CDH4: variants seen among roughly 807,000 people sequenced by gnomAD.
The protein encoded by CDH4 is cadherin-4.
A neutral mutation model predicts 86.0 loss-of-function variants in CDH4; 33 were observed. The observed-to-expected ratio is 0.38, with a 90% CI of 0.29 to 0.51. CDH4 has a LOEUF of 0.51. Among genes scored for constraint, CDH4 ranks in the 20% least tolerant of loss-of-function variants. The pLI is 0.86. For missense variants in CDH4, 1,114 were observed against 1,307.4 expected (o/e 0.85, Z 2.28); for synonymous variants, 555 against 549.4 (o/e 1.01, Z -0.14).
intron 2 of CDH4, among the ~76,000 whole-genome samples, chr20:61,666,804 C>G (rs560804715): frequency 6.6e-6 from 1 of 152,362 alleles, no homozygotes; most frequent in South Asian, 2.1e-4. Context: ...AAGCTGCTCA[C>G]AGCTCACTGT....
At chr20:61,723,572 C>T (rs111645862) in intron 2 of CDH4, among the ~76,000 whole-genome samples, 2,160 of 152,184 alleles carry the variant, frequency 0.014, 42 homozygotes, top group African/African-American at 0.049. Context: ...ACCCCAAGCA[C>T]CTGCTCTTCT....
intron 2 of CDH4, among the ~76,000 whole-genome samples, chr20:61,310,673 A>G (rs958223480): frequency 6.6e-6 from 1 of 151,300 alleles, no homozygotes; most frequent in African/African-American, 2.4e-5. Flanking sequence ...CGCAGCTTAA[A>G]CAACAGGAGG....
chr20:61,406,629 A>G (rs1396581877), intron 2 of CDH4, among the ~76,000 whole-genome samples: 2 of 123,978 alleles, frequency 1.6e-5, no homozygotes, highest in Non-Finnish European at 1.6e-5. Flanking sequence ...ACCATCTGCC[A>G]TCTGTTCTGC....
rs959353566 is a variant in CDH4, at chr20:61,829,671, G to A, written c.577-14997G>A. Among the ~76,000 whole-genome samples the A allele has an allele frequency of 2.0e-5, 3 of 152,238 alleles. No homozygotes were observed. Among genetic ancestry groups the A allele is most frequent in the Admixed American group, 6.5e-5 (1 of 15,294 alleles). On this transcript the variant is annotated intron_variant, in intron 4 of 15. Transcript: ENST00000614565. The surrounding 1 kb of genome is among the most constrained non-coding windows in gnomAD (Gnocchi z 4.2). The stretch of plus-strand genomic sequence containing the variant: ...TAAATACGGACTCACCACTGGGGAC[G>A]GACTTGGACTCCAGGAGCCCCCAGG...
At chr20:61,482,845 T>A (rs976468224) in intron 2 of CDH4, among the ~76,000 whole-genome samples, 4 of 152,236 alleles carry the variant, frequency 2.6e-5, no homozygotes, top group Non-Finnish European at 4.4e-5. Context: ...CTCCACTGTA[T>A]TCAGGTTAAC....
intron 3 of CDH4, among the ~76,000 whole-genome samples, chr20:61,749,749 T>C (rs184611201): frequency 7.2e-5 from 11 of 152,214 alleles, no homozygotes; most frequent in African/African-American, 2.7e-4. Context: ...CTTAAATGCA[T>C]ATATTACAAG....
intron 2 of CDH4, among the ~76,000 whole-genome samples, chr20:61,343,587 C>T (rs2084660640): frequency 6.6e-6 from 1 of 152,116 alleles, no homozygotes; most frequent in South Asian, 2.1e-4. Context: ...GTGGTTCCAG[C>T]GGCAGTCAGC....
intron 2 of CDH4, among the ~76,000 whole-genome samples, chr20:61,506,950 G>C (rs2145607837): frequency 6.6e-6 from 1 of 152,384 alleles, no homozygotes; most frequent in African/African-American, 2.4e-5. Flanking sequence ...ACATGAGGCT[G>C]TGGATGCCCC....
chr20:61,923,733 G>A, intron 10 of CDH4, 29 bp downstream of exon 10: 1 of 1,606,100 alleles, frequency 6.2e-7, no homozygotes, highest in Non-Finnish European at 8.5e-7. Context: ...CCTCGTCCCT[G>A]CCTGCAGCTT....
intron 2 of CDH4, among the ~76,000 whole-genome samples, chr20:61,459,053 C>T (rs1393708860): frequency 6.6e-6 from 1 of 151,974 alleles, no homozygotes; most frequent in East Asian, 1.9e-4. Context: ...TCCACACCTC[C>T]CCCTGGCTGT....
At position 61,262,964 on chromosome 20, in the gene CDH4, T is replaced by TGAGA. The variant is rs11472416; in HGVS notation, c.169+8045_169+8048dup. Among the ~76,000 whole-genome samples, 82 of 148,166 alleles carry TGAGA rather than the reference T, an allele frequency of 5.5e-4. 1 individual carries two copies. The highest frequency in any genetic ancestry group is 1.1e-3 in the African/African-American group (43 of 40,212). ...GTAGATGCCAGGACTAATCATGAAC[T>TGAGA]GAGAGAGAGAGAGAGAGAGAGCAAG... On this transcript the variant is annotated intron_variant, in intron 2 of 15. Coordinates refer to ENST00000614565, the MANE Select transcript of CDH4 (RefSeq NM_001794.5).
intron 4 of CDH4, among the ~76,000 whole-genome samples, chr20:61,838,703 A>T (rs1424806550): frequency 1.3e-5 from 2 of 151,846 alleles, no homozygotes; most frequent in Non-Finnish European, 2.9e-5. Context: ...CAACTATCCT[A>T]GTCCCAACTA....
chr20:61,259,168 G>C (rs531571123), intron 2 of CDH4, among the ~76,000 whole-genome samples: 1 of 152,342 alleles, frequency 6.6e-6, no homozygotes, highest in East Asian at 1.9e-4. Context: ...CTGAATGAGT[G>C]AATGACTCAT....
At chr20:61,894,023 T>G (rs564536749) in intron 7 of CDH4, among the ~76,000 whole-genome samples, 1 of 152,262 alleles carries the variant, frequency 6.6e-6, no homozygotes, top group African/African-American at 2.4e-5. Flanking sequence ...CTCAGGATTG[T>G]TAGTCACTTG....
intron 2 of CDH4, among the ~76,000 whole-genome samples, chr20:61,556,051 G>A (rs2086175060): frequency 6.6e-6 from 1 of 152,112 alleles, no homozygotes; most frequent in Non-Finnish European, 1.5e-5. Flanking sequence ...TGGTGGGCTC[G>A]CCTTGGTGTA....
At chr20:61,835,087 G>A (rs1052944239) in intron 4 of CDH4, among the ~76,000 whole-genome samples, 1 of 152,188 alleles carries the variant, frequency 6.6e-6, no homozygotes, top group African/African-American at 2.4e-5. Context: ...GTCTTGTTTT[G>A]TTTTGTTTTA....
At chr20:61,450,259 C>A (rs1470589708) in intron 2 of CDH4, among the ~76,000 whole-genome samples, 4 of 152,202 alleles carry the variant, frequency 2.6e-5, no homozygotes, top group Non-Finnish European at 5.9e-5. Context: ...GGGACCCCAG[C>A]CTTCAAACTT....
chr20:61,432,064 G>C (rs1435874779), intron 2 of CDH4, among the ~76,000 whole-genome samples: 4 of 152,158 alleles, frequency 2.6e-5, no homozygotes, highest in Non-Finnish European at 5.9e-5. Flanking sequence ...ACTCTGAGCT[G>C]TTTCTTTGTT....
intron 2 of CDH4, among the ~76,000 whole-genome samples, chr20:61,306,561 T>C (rs2084418517): frequency 6.6e-6 from 1 of 152,104 alleles, no homozygotes; most frequent in Admixed American, 6.6e-5. Context: ...GGTCTTACAC[T>C]CCTGAACTTG....
Sources: allele counts gnomAD v4.1 joint callset (sites outside exome capture counted in the v4.1 genomes callset), GRCh38; gene constraint gnomAD v4.1.1; non-coding constraint Gnocchi (gnomAD v3.1); transcripts MANE v1.5; gene names NCBI Gene and HGNC (gene_info 2026-07-23, HGNC 2026-07-21).